KCNIP4: variants seen among roughly 807,000 people sequenced by gnomAD.
KCNIP4 encodes the protein Kv channel-interacting protein 4.
A neutral mutation model predicts 34.0 loss-of-function variants in KCNIP4; 12 were observed. The ratio of observed to expected loss-of-function variants is 0.35; its 90% confidence interval spans 0.23 to 0.57. The LOEUF (loss-of-function observed/expected upper bound fraction) is 0.57, where lower values mean the gene tolerates loss of function less well. Among genes scored for constraint, KCNIP4 ranks in the 20% least tolerant of loss-of-function variants. The pLI is 0.83. For synonymous variants in KCNIP4, 124 were observed against 102.2 expected (o/e 1.21, Z -1.29); for missense variants, 238 against 311.7 (o/e 0.76, Z 1.78).
chr4:20,866,660 C>G (rs1722913257), intron 2 of KCNIP4, among the ~76,000 whole-genome samples: 1 of 152,040 alleles, frequency 6.6e-6, no homozygotes, highest in African/African-American at 2.4e-5. Flanking sequence ...CTAGCCAGAA[C>G]ATTCAGGTGA....
chr4:21,428,667 C>A (rs1283959187), intron 1 of KCNIP4, among the ~76,000 whole-genome samples: 1 of 152,112 alleles, frequency 6.6e-6, no homozygotes, highest in Admixed American at 6.5e-5. Context: ...TGCTTGCTGA[C>A]TAGCCACAAG....
At chr4:21,838,766 AG>A (rs1286924020) in intron 1 of KCNIP4, among the ~76,000 whole-genome samples, 1 of 152,202 alleles carries the variant, frequency 6.6e-6, no homozygotes, top group Non-Finnish European at 1.5e-5. Flanking sequence ...CTGGATCCTT[AG>A]AAAAAAACAA....
intron 1 of KCNIP4, among the ~76,000 whole-genome samples, chr4:21,444,575 G>A (rs1296373091): frequency 6.6e-6 from 1 of 152,098 alleles, no homozygotes; most frequent in Non-Finnish European, 1.5e-5. Flanking sequence ...AAATTCAACA[G>A]CACTTCATGC....
chr4:21,856,853 C>T (rs953743765), intron 1 of KCNIP4, among the ~76,000 whole-genome samples: 6 of 152,162 alleles, frequency 3.9e-5, no homozygotes, highest in African/African-American at 7.2e-5. Context: ...GCTGTCACAA[C>T]CTGGCTAGGT....
intron 1 of KCNIP4, among the ~76,000 whole-genome samples, chr4:20,953,393 C>T (rs747910795): frequency 9.9e-5 from 15 of 152,066 alleles, no homozygotes; most frequent in African/African-American, 1.7e-4. Flanking sequence ...ATAAATGGAC[C>T]GGGTGCAGTG....
chr4:21,879,855 C>T (rs1455157847), intron 1 of KCNIP4, among the ~76,000 whole-genome samples: 1 of 152,018 alleles, frequency 6.6e-6, no homozygotes, highest in African/African-American at 2.4e-5. Context: ...AGGCAGTTAC[C>T]TCCACGTTAG....
intron 1 of KCNIP4, among the ~76,000 whole-genome samples, chr4:21,518,626 C>G (rs374708066): frequency 6.6e-6 from 1 of 152,078 alleles, no homozygotes; most frequent in African/African-American, 2.4e-5. Context: ...AATATCCCTA[C>G]GCTGTGGTGG....
intron 1 of KCNIP4, among the ~76,000 whole-genome samples, chr4:21,652,788 C>T (rs904580037): frequency 5.3e-5 from 8 of 152,134 alleles, no homozygotes; most frequent in African/African-American, 1.9e-4. Context: ...TCTTCTGCCA[C>T]TTGATGATAT....
At chr4:21,701,620 G>A (rs1712848202) in intron 1 of KCNIP4, among the ~76,000 whole-genome samples, 1 of 152,114 alleles carries the variant, frequency 6.6e-6, no homozygotes, top group South Asian at 2.1e-4. Context: ...CAAAAGATCT[G>A]CTTTAGATAT....
At chr4:21,615,659 A>G (rs1744545114) in intron 1 of KCNIP4, among the ~76,000 whole-genome samples, 1 of 152,216 alleles carries the variant, frequency 6.6e-6, no homozygotes, top group Non-Finnish European at 1.5e-5. Flanking sequence ...AAAATAAAGT[A>G]CATCTCTAAA....
intron 1 of KCNIP4, among the ~76,000 whole-genome samples, chr4:21,727,602 G>A (rs1426462817): frequency 1.3e-5 from 2 of 152,056 alleles, no homozygotes; most frequent in Non-Finnish European, 2.9e-5. Context: ...GCCGAGGTGG[G>A]TAGATCACTG....
At chr4:21,400,523 CTCTTCTCTTCTCTTCTCTTCTCTT>C (rs1560369266) in intron 1 of KCNIP4, among the ~76,000 whole-genome samples, 111 of 48,368 alleles carry the variant, frequency 2.3e-3, no homozygotes, top group Non-Finnish European at 2.6e-3. Flanking sequence ...CTCTTCTCTT[CTCTTCTCTTCTCTTCTCTTCTCTT>C]CTCTTCTCTT....
rs544976875 is a variant in KCNIP4 at position 21,422,380 on chromosome 4, T to C, written c.61+526191A>G. 5.9e-5 allele frequency among the ~76,000 whole-genome samples: 9 copies of C among 152,164 alleles called. No individual in the cohort carries two copies. The East Asian group carries it at 1.7e-3, about 29-fold the overall frequency. On this transcript the variant is annotated intron_variant, in intron 1 of 8. Transcript: ENST00000382152. ...TATGCCTGGCTGATTTTTGTGTTTTTAGTAGAGATGGGGTTTCACCATGTT... is the reference window on the plus strand; with the variant it reads ...TATGCCTGGCTGATTTTTGTGTTTTCAGTAGAGATGGGGTTTCACCATGTT...
At chr4:20,817,409 G>T (rs1716545001) in intron 3 of KCNIP4, among the ~76,000 whole-genome samples, 1 of 152,098 alleles carries the variant, frequency 6.6e-6, no homozygotes, top group Non-Finnish European at 1.5e-5. Context: ...CTAAAACCCA[G>T]CTCCACGCTG....
intron 1 of KCNIP4, among the ~76,000 whole-genome samples, chr4:20,955,383 T>C (rs1356968357): frequency 1.3e-5 from 2 of 152,200 alleles, no homozygotes; most frequent in East Asian, 1.9e-4. Context: ...AAACTAGGTA[T>C]CTGTGAACAG....
chr4:21,848,635 G>A (rs557615523), intron 1 of KCNIP4: 10 of 152,030 alleles, frequency 6.6e-5, no homozygotes, highest in South Asian at 4.2e-4. Flanking sequence ...AAATCTAAAC[G>A]TTGCTCTAAA....
chr4:20,952,479 T>C (rs1237175792), intron 1 of KCNIP4, among the ~76,000 whole-genome samples: 1 of 152,154 alleles, frequency 6.6e-6, no homozygotes, highest in African/African-American at 2.4e-5. Context: ...TTTTACTATC[T>C]AGTAATTGAT....
intron 1 of KCNIP4, among the ~76,000 whole-genome samples, chr4:21,322,950 G>T (rs918285297): frequency 2.0e-5 from 3 of 151,918 alleles, no homozygotes; most frequent in Admixed American, 1.3e-4. Context: ...TTTAGTAAAT[G>T]TTCAATTAAT....
At chr4:21,167,141 G>C (rs552889036) in intron 1 of KCNIP4, among the ~76,000 whole-genome samples, 3 of 152,004 alleles carry the variant, frequency 2.0e-5, no homozygotes, top group Non-Finnish European at 4.4e-5. Flanking sequence ...ATGTAAAATT[G>C]TCAAAACAGA....
Sources: gnomAD v4.1 joint callset for allele counts (sites outside exome capture counted in the v4.1 genomes callset) on GRCh38, gnomAD v4.1.1 for gene constraint, MANE v1.5 for transcripts, NCBI Gene and HGNC (gene_info 2026-07-23, HGNC 2026-07-21) for gene names.